Variants in LMNTD1 observed in about 807,000 individuals in gnomAD.
The protein encoded by LMNTD1 is lamin tail domain-containing protein 1.
A neutral mutation model predicts 50.9 loss-of-function variants in LMNTD1; 35 were observed. The observed-to-expected ratio is 0.69, with a 90% CI of 0.53 to 0.91. The LOEUF (loss-of-function observed/expected upper bound fraction) is 0.91. LMNTD1 is among the 40% of genes least tolerant of loss of function. The pLI is 0.00. For missense variants in LMNTD1, 470 were observed against 475.5 expected (o/e 0.99, Z 0.11); for synonymous variants, 153 against 161.9 (o/e 0.94, Z 0.42).
chr12:25,519,797 C>T (rs1260086790), intron 7 of LMNTD1, 61 bp downstream of exon 7: 3 of 1,100,552 alleles, frequency 2.7e-6, no homozygotes, highest in Non-Finnish European at 4.1e-6. Context: ...GTCGTTCCCA[C>T]ATGCTTAGTT....
intron 1 of LMNTD1, among the ~76,000 whole-genome samples, chr12:25,592,271 C>T (rs941674121): frequency 6.6e-6 from 1 of 152,168 alleles, no homozygotes; most frequent in African/African-American, 2.4e-5. Flanking sequence ...TGGAGGCTTG[C>T]ATCGTGAACT....
chr12:25,483,960 G>GTA (rs1938527224), intron 9 of LMNTD1, among the ~76,000 whole-genome samples: 3 of 151,916 alleles, frequency 2.0e-5, no homozygotes, highest in Admixed American at 2.0e-4. Flanking sequence ...AACCTTTCTT[G>GTA]GTTATGTCTA....
At chr12:25,566,880 T>A (rs2136331551) in intron 1 of LMNTD1, among the ~76,000 whole-genome samples, 1 of 152,302 alleles carries the variant, frequency 6.6e-6, no homozygotes, top group South Asian at 2.1e-4. Flanking sequence ...ATTATTCTCT[T>A]GACAATTTGA....
intron 7 of LMNTD1, 139 bp downstream of exon 7, chr12:25,519,719 T>C (rs1026549973): frequency 4.8e-6 from 3 of 621,798 alleles, no homozygotes; most frequent in Non-Finnish European, 8.5e-6. Context: ...ATGAGTTCTA[T>C]TCAAAATAGT....
At chr12:25,508,886 C>G (rs898467670) in intron 8 of LMNTD1, among the ~76,000 whole-genome samples, 4 of 147,112 alleles carry the variant, frequency 2.7e-5, no homozygotes, top group Admixed American at 2.0e-4. Flanking sequence ...TCTTTCTAGT[C>G]CTAATATTCT....
chr12:25,552,855 A>G lies in LMNTD1; in HGVS notation c.89+16T>C. The G allele has an allele frequency of 7.0e-7, 1 of 1,438,432 alleles. No individual in the cohort carries two copies. Among genetic ancestry groups the G allele is most frequent in the Non-Finnish European group, 9.6e-7 (1 of 1,043,754 alleles). 89.1% of individuals were successfully genotyped at this position (1,438,432 alleles called of 1,614,324 possible). ...TCAGCTCTAACTCTGCTTCCATCGC[A>G]TCTATGCATGCTCACTGTTTTTGTT... On this transcript the variant is annotated intron_variant, in intron 2 of 9. Coordinates refer to ENST00000458174, the MANE Select transcript of LMNTD1 (RefSeq NM_001145728.2).
intron 4 of LMNTD1, among the ~76,000 whole-genome samples, chr12:25,528,077 T>G (rs968496782): frequency 3.9e-5 from 6 of 152,108 alleles, no homozygotes; most frequent in Admixed American, 2.0e-4. Context: ...TGGAAATATG[T>G]AAGTCCCCAA....
At chr12:25,579,402 CA>C (rs1437583046) in intron 1 of LMNTD1, among the ~76,000 whole-genome samples, 2 of 152,020 alleles carry the variant, frequency 1.3e-5, no homozygotes, top group Admixed American at 6.6e-5. Flanking sequence ...AGGTTATATG[CA>C]AATATCACAC....
rs542350810 is a variant in LMNTD1, at chr12:25,569,835, T to C, written c.59-23281A>G. The stretch of plus-strand genomic sequence containing the variant: ...CCCTGAGGCCCTCACCAGAAGCAGA[T>C]ACTGGTACCATGCTTTCTGTGCAGC... On this transcript the variant is annotated intron_variant, in intron 1 of 7. Transcript: ENST00000445693. Among the ~76,000 whole-genome samples the C allele has an allele frequency of 3.3e-5, 5 of 152,330 alleles. No individual in the cohort carries two copies. In the East Asian group the frequency reaches 9.6e-4, roughly 29 times the overall value.
intron 8 of LMNTD1, 84 bp from the exon 9 acceptor site, chr12:25,503,884 A>AT (rs1939539227): frequency 2.9e-6 from 2 of 687,108 alleles, no homozygotes; most frequent in African/African-American, 3.7e-5. Context: ...CCAAGTATTG[A>AT]TTTTTCCATG....
chr12:25,563,921 C>T (rs974291830), intron 1 of LMNTD1, among the ~76,000 whole-genome samples: 5 of 152,268 alleles, frequency 3.3e-5, no homozygotes, highest in Non-Finnish European at 5.9e-5. Flanking sequence ...AGTGAGGCTC[C>T]GTAGGCGTGG....
chr12:25,476,800 C>T (rs143470638), intron 9 of LMNTD1, among the ~76,000 whole-genome samples: 2 of 152,238 alleles, frequency 1.3e-5, no homozygotes, highest in East Asian at 3.9e-4. Flanking sequence ...CTGGGCAGAA[C>T]TCCTGACTGA....
At chr12:25,619,572 A>T (rs1008233111) in intron 1 of LMNTD1, among the ~76,000 whole-genome samples, 1 of 152,130 alleles carries the variant, frequency 6.6e-6, no homozygotes, top group South Asian at 2.1e-4. Flanking sequence ...GAGTTTTCCC[A>T]TCTTCAGATG....
chr12:25,496,714 A>G (rs1166274770), intron 9 of LMNTD1, among the ~76,000 whole-genome samples: 1 of 152,212 alleles, frequency 6.6e-6, no homozygotes, highest in Non-Finnish European at 1.5e-5. Flanking sequence ...ATATTTTATT[A>G]GAAGTACTTT....
chr12:25,588,181 C>T (rs1487034894), intron 1 of LMNTD1, among the ~76,000 whole-genome samples: 1 of 151,970 alleles, frequency 6.6e-6, no homozygotes, highest in Non-Finnish European at 1.5e-5. Flanking sequence ...GAATAAGGTA[C>T]CAATAAAACA....
chr12:25,575,302 C>T (rs144561242), intron 1 of LMNTD1, among the ~76,000 whole-genome samples: 78 of 152,270 alleles, frequency 5.1e-4, no homozygotes, highest in African/African-American at 1.8e-3. Context: ...CCATTAGTCA[C>T]ATCAGCATGA....
At chr12:25,648,157 T>C (rs1286893262) in intron 1 of LMNTD1, among the ~76,000 whole-genome samples, 1 of 152,252 alleles carries the variant, frequency 6.6e-6, no homozygotes, top group Non-Finnish European at 1.5e-5. Context: ...ATGTTACTTC[T>C]GTAGGATACC....
chr12:25,543,436 G>A (rs998606122), intron 4 of LMNTD1, among the ~76,000 whole-genome samples: 2 of 151,748 alleles, frequency 1.3e-5, no homozygotes, highest in South Asian at 4.2e-4. Flanking sequence ...AATATTTATG[G>A]TAAAAGTGAA....
chr12:25,558,498 T>A (rs1483885566), intron 1 of LMNTD1, among the ~76,000 whole-genome samples: 1 of 152,242 alleles, frequency 6.6e-6, no homozygotes, highest in Non-Finnish European at 1.5e-5. Flanking sequence ...AAATTTTCAA[T>A]TTTCTTTTTA....
Sources: gnomAD v4.1 joint callset for allele counts (sites outside exome capture counted in the v4.1 genomes callset) on GRCh38, gnomAD v4.1.1 for gene constraint, MANE v1.5 for transcripts, NCBI Gene and HGNC (gene_info 2026-07-23, HGNC 2026-07-21) for gene names.